TFR2: variants seen among roughly 807,000 people sequenced by gnomAD.
TFR2 encodes the protein transferrin receptor protein 2.
TFR2 carries 64 observed loss-of-function variants against 91.9 expected under a neutral mutation model. The ratio of observed to expected loss-of-function variants is 0.70; its 90% CI spans 0.57 to 0.86. The LOEUF is 0.86. TFR2 is among the 40% of genes least tolerant of loss of function. The probability of loss-of-function intolerance (pLI) is 0.00; values close to 1 mark genes in which losing one functional copy is unlikely to be tolerated. For missense variants in TFR2, 950 were observed against 1,080.5 expected (o/e 0.88, Z 1.69); for synonymous variants, 454 against 459.6 (o/e 0.99, Z 0.15).
rs41295942 is a variant in TFR2, at chr7:100,621,008, C to T, written c.2255G>A (p.Arg752His). 42,753 of 1,603,208 alleles carry T rather than the reference C, an allele frequency of 0.027. 683 individuals are homozygous for T. The highest frequency in any genetic ancestry group is 0.031 in the Non-Finnish European group (36,686 of 1,175,364). Residue 752 changes from arginine (R) to histidine (H), a missense_variant, in exon 18 of 18, where the codon CGC becomes CAC. Coordinates refer to ENST00000223051, the MANE Select transcript of TFR2 (RefSeq NM_003227.4). ...GALLDHLRLL[R>H]SNSSGTPGAT... ...CCCGGGGGTCCCGGAGCTGTTGGAG[C>T]GCAGCAGCCGCAGGTGGTCCAGCAG...
At chr7:100,640,635 C>T (rs2131327336) in intron 3 of TFR2, 51 bp downstream of exon 3, 11 of 1,592,040 alleles carry the variant, frequency 6.9e-6, no homozygotes, top group South Asian at 3.3e-5. Context: ...CCAGTCTGAG[C>T]GGATGAGGGG....
rs1326650461 is a variant in TFR2, at chr7:100,621,051, C to G, written c.2212G>C (p.Asp738His). 1.9e-6 allele frequency: 3 copies of G among 1,574,904 alleles called. No individual in the cohort carries two copies. Reference protein sequence around the residue: ...PFRHIFMGRGDHTLGALLDHL... With the variant: ...PFRHIFMGRGHHTLGALLDHL... ...TCCAGCAGGGCGCCCAGCGTGTGGT[C>G]TCCACGGCCCATGAAGATGTGGCGG... Residue 738 changes from aspartate (D) to histidine (H), a missense_variant, in exon 18 of 18, where the codon GAC becomes CAC. By Grantham distance (81) the Asp-to-His change is moderately conservative (BLOSUM62 -1). Transcript: ENST00000223051.
In TFR2 at chr7:100,633,332, G is replaced by A. The variant is rs1803504434; in HGVS notation, c.623C>T (p.Pro208Leu). 1 of 1,613,210 alleles carries A rather than the reference G, an allele frequency of 6.2e-7. No homozygotes were observed. Among genetic ancestry groups the A allele is most frequent in the African/African-American group, 1.3e-5 (1 of 74,908 alleles). Residue 208 changes from proline (P) to leucine (L), a missense_variant, in exon 5 of 18, where the codon CCC becomes CTC. By Grantham distance (98) the Pro-to-Leu change is moderately conservative (BLOSUM62 -3). Coordinates refer to ENST00000223051, the MANE Select transcript of TFR2 (RefSeq NM_003227.4). ...VGLQFPDPAH[P>L]NTLHWVDEAG... ...CTCATCGACCCAGTGCAGGGTGTTG[G>A]GGTGAGCCCTGGGGAGCGGGGCTGG...
In TFR2 at chr7:100,620,924, G is replaced by T. The variant is rs1175572888; in HGVS notation, c.2339C>A (p.Thr780Asn). The T allele has an allele frequency of 6.2e-7, 1 of 1,614,180 alleles. No individual in the cohort carries two copies. The highest frequency in any genetic ancestry group is 1.7e-5 in the Admixed American group (1 of 60,032). Residue 780 changes from threonine (T) to asparagine (N), a missense_variant, in exon 18 of 18, where the codon ACC (threonine) becomes AAC (asparagine). By Grantham distance (65) the Thr-to-Asn change is moderately conservative. Coordinates refer to ENST00000223051, the MANE Select transcript of TFR2 (RefSeq NM_003227.4). ...ATTGGCTGCCCCTTGCAGCGTCCAG[G>T]TGAGCAGGGCTAGCTGACGCCGGAA... ...SRFRRQLALL[T>N]WTLQGAANAL... is the part of the protein sequence containing the mutation.
Position 100,633,313 on chromosome 7 carries a change from G to T in TFR2, c.642C>A (p.Val214=). Residue 214 remains valine, a synonymous_variant, in exon 5 of 18, where the codon GTC becomes GTA. Transcript: ENST00000223051. ...GCTCTCCGACCTTCCCGGCCTCATC[G>T]ACCCAGTGCAGGGTGTTGGGGTGAG... The part of the protein sequence containing the change: ...DPAHPNTLHW[V]DEAGKVGEQL... The T allele has an allele frequency of 3.7e-6, 6 of 1,613,560 alleles. No individual in the cohort carries two copies. The highest frequency in any genetic ancestry group is 5.1e-6 in the Non-Finnish European group (6 of 1,179,822).
At chr7:100,623,363 C>T (rs1396460103) in intron 17 of TFR2, among the ~76,000 whole-genome samples, 1 of 152,248 alleles carries the variant, frequency 6.6e-6, no homozygotes, top group African/African-American at 2.4e-5. Context: ...CTTCCCTCAA[C>T]ATCAAATCTG....
At position 100,640,761 on chromosome 7, in the gene TFR2, C is replaced by A; in HGVS notation, c.398G>T (p.Gly133Val). ...NYEPDLDFHQ[G>V]RLYWSDLQAM... ...CTGGAGGTCGCTCCAGTAGAGTCTGCCCTGGTGGAAATCCAGGTCAGGCTC... is the reference window on the plus strand; with the variant it reads ...CTGGAGGTCGCTCCAGTAGAGTCTGACCTGGTGGAAATCCAGGTCAGGCTC... Residue 133 changes from glycine to valine, a missense_variant, in exon 3 of 18, where the codon GGC becomes GTC. Gly to Val is a moderately radical substitution (Grantham distance 109, BLOSUM62 -3). Transcript: ENST00000223051. 1 of 1,614,100 alleles carries A rather than the reference C, an allele frequency of 6.2e-7. No individual in the cohort carries two copies. The highest frequency in any genetic ancestry group is 8.5e-7 in the Non-Finnish European group (1 of 1,180,008).
rs1454383336 is a variant in TFR2, at chr7:100,641,073, G to A, written c.189C>T (p.Gly63=). The A allele has an allele frequency of 1.2e-6, 2 of 1,603,154 alleles. No homozygotes were observed. The highest frequency in any genetic ancestry group is 1.7e-6 in the Non-Finnish European group (2 of 1,174,142). Residue 63 remains glycine (G), a synonymous_variant, in exon 2 of 18, where the codon GGC becomes GGT. Coordinates refer to ENST00000223051, the MANE Select transcript of TFR2 (RefSeq NM_003227.4). ...TGAGGTTTGGCTGCCTGGGTCTAGA[G>A]CCCAGGGGCTCAGGGCCCCTCAGCT... ...PMELRGPEPL[G]SRPRQPNLIP... is the part of the protein sequence containing the mutation.
At chr7:100,628,355 A>T in intron 10 of TFR2, 49 bp from the exon 11 acceptor site, 2 of 1,568,706 alleles carry the variant, frequency 1.3e-6, no homozygotes, top group Non-Finnish European at 1.8e-6. Context: ...CCAAGCAAAG[A>T]CCCTCCCCTT....
At chr7:100,634,370 C>T (rs1272145824) in intron 3 of TFR2, among the ~76,000 whole-genome samples, 1 of 152,212 alleles carries the variant, frequency 6.6e-6, no homozygotes, top group African/African-American at 2.4e-5. Flanking sequence ...ATCCTCCCGC[C>T]TCAGCCTCCT....
In TFR2 at chr7:100,626,799, C is replaced by G; in HGVS notation, c.2100G>C (p.Glu700Asp). Residue 700 changes from glutamate (E) to aspartate (D), a missense_variant, in exon 17 of 18, where the codon GAG becomes GAC. Coordinates refer to ENST00000223051, the MANE Select transcript of TFR2 (RefSeq NM_003227.4). ...QEIYSSEERD[E>D]RLTRMYNVRI... ...GCACGTTGTACATGCGTGTCAGTCG[C>G]TCGTCTCTCTCCTCCGAGCTGTAGA... 1.9e-6 allele frequency: 3 copies of G among 1,548,602 alleles called. No individual in the cohort carries two copies. The highest frequency in any genetic ancestry group is 2.6e-6 in the Non-Finnish European group (3 of 1,146,922).
At chr7:100,623,376 A>G (rs940322881) in intron 17 of TFR2, among the ~76,000 whole-genome samples, 1 of 152,230 alleles carries the variant, frequency 6.6e-6, no homozygotes, top group Non-Finnish European at 1.5e-5. Flanking sequence ...CAAATCTGTC[A>G]ATTTCTCCTT....
intron 17 of TFR2, among the ~76,000 whole-genome samples, chr7:100,625,976 ATG>A (rs1803239866): frequency 6.6e-6 from 1 of 152,200 alleles, no homozygotes; most frequent in African/African-American, 2.4e-5. Context: ...AGGGGTAGCC[ATG>A]CTGGCTCTGA....
intron 17 of TFR2, among the ~76,000 whole-genome samples, 196 bp from the exon 18 acceptor site, chr7:100,621,322 C>T (rs1331346316): frequency 3.9e-5 from 6 of 152,192 alleles, no homozygotes; most frequent in African/African-American, 1.4e-4. Context: ...GGCACGATCT[C>T]GGCTCACTGC....
chr7:100,630,113 A>T (rs953077488), intron 9 of TFR2, among the ~76,000 whole-genome samples: 35 of 151,972 alleles, frequency 2.3e-4, no homozygotes, highest in African/African-American at 7.5e-4. Context: ...TACTTATTTT[A>T]ATTCTCCACT....
At chr7:100,626,933 G>C (rs1336337729) in intron 16 of TFR2, 30 bp from the exon 17 acceptor site, 1 of 1,528,476 alleles carries the variant, frequency 6.5e-7, no homozygotes, top group African/African-American at 1.4e-5. Context: ...GCTGGGGCTG[G>C]CGGCAGGGGC....
chr7:100,631,960 G>A lies in TFR2; in HGVS notation c.967-15C>T, dbSNP rs377236414. 13 of 1,613,898 alleles carry A rather than the reference G, an allele frequency of 8.1e-6. No homozygotes were observed. Among genetic ancestry groups the A allele is most frequent in the African/African-American group, 1.3e-5 (1 of 74,882 alleles). Reference sequence around the variant, plus strand: ...CCCAGGTGCACCTGCAGGGAAAGGGGTGCCCACGCAAAGCTGCGAGCTGGG... The same window carrying A: ...CCCAGGTGCACCTGCAGGGAAAGGGATGCCCACGCAAAGCTGCGAGCTGGG... On this transcript the variant is annotated splice_polypyrimidine_tract_variant and intron_variant, in intron 7 of 17. Transcript: ENST00000223051.
At chr7:100,628,870 G>A (rs965206026) in intron 10 of TFR2, among the ~76,000 whole-genome samples, 1 of 150,778 alleles carries the variant, frequency 6.6e-6, no homozygotes, top group African/African-American at 2.4e-5. Flanking sequence ...AGGTTCAAGC[G>A]ATTCTCCTGC....
chr7:100,625,082 G>A (rs1368730249), intron 17 of TFR2, among the ~76,000 whole-genome samples: 1 of 138,006 alleles, frequency 7.2e-6, no homozygotes, highest in Admixed American at 7.3e-5. Context: ...TTTTTGAGAT[G>A]GATTTTCGCT....
Sources: gnomAD v4.1 joint callset for allele counts (sites outside exome capture counted in the v4.1 genomes callset) on GRCh38, gnomAD v4.1.1 for gene constraint, MANE v1.5 for transcripts, NCBI Gene and HGNC (gene_info 2026-07-23, HGNC 2026-07-21) for gene names.